The following CLN6 variants were observed in gnomAD, a reference collection of about 807,000 sequenced individuals.
CLN6 encodes the protein CLN6 transmembrane ER protein.
CLN6 carries 22 observed loss-of-function variants against 33.3 expected under a neutral mutation model. The observed-to-expected ratio is 0.66, with a 90% CI of 0.47 to 0.94. CLN6 has a LOEUF of 0.94. CLN6 is among the 40% of genes least tolerant of loss of function. CLN6 has a pLI of 0.00. For missense variants in CLN6, 387 were observed against 417.1 expected (o/e 0.93, Z 0.63); for synonymous variants, 201 against 174.6 (o/e 1.15, Z -1.19).
At chr15:68,245,243 T>C (rs757877961) in intron 1 of CLN6, among the ~76,000 whole-genome samples, 3 of 148,566 alleles carry the variant, frequency 2.0e-5, no homozygotes, top group African/African-American at 5.2e-5. Flanking sequence ...GTAACCATAA[T>C]GTTAAAACCT....
At chr15:68,226,080 G>A (rs1289753745) in intron 1 of CLN6, among the ~76,000 whole-genome samples, 2 of 152,054 alleles carry the variant, frequency 1.3e-5, no homozygotes, top group Admixed American at 1.3e-4. Context: ...AGCACTTTGG[G>A]AGGCTGAGGC....
At position 68,213,988 on chromosome 15, in the gene CLN6, C is replaced by G. The variant is rs960327602; in HGVS notation, c.297+302G>C. ...CCTCCCCAAATGTTTTACGGTTTCC[C>G]AAGCACAGCCTTGTCTTTAGGTCCT... On this transcript the variant is annotated intron_variant, in intron 3 of 6. Coordinates refer to ENST00000249806, the MANE Select transcript of CLN6 (RefSeq NM_017882.3). The G allele has an allele frequency of 2.0e-4, 73 of 356,224 alleles. 1 individual carries two copies. The highest frequency in any genetic ancestry group is 3.7e-4 in the Non-Finnish European group (68 of 183,232). The allele number at this position is 356,224 out of a possible 1,614,324, so 22.1% of individuals were successfully genotyped here. A position where few individuals can be genotyped will look rare whatever the true frequency, so the allele number is the denominator to read the frequency against.
In CLN6 at chr15:68,210,741, C is replaced by T. The variant is rs2093202572; in HGVS notation, c.542+522G>A. ...GGGACGGGGTAGGTAGGAAAAGGTG[C>T]CCCTCTGGGAGTTCTGAAGAGGGGG... On this transcript the variant is annotated intron_variant, in intron 5 of 6. Coordinates refer to ENST00000249806, the MANE Select transcript of CLN6 (RefSeq NM_017882.3). This position sits in a 1 kb window ranked among gnomAD's most constrained non-coding sequence, Gnocchi z 5.6. Among the ~76,000 whole-genome samples the T allele has an allele frequency of 6.6e-6, 1 of 152,152 alleles. No individual in the cohort carries two copies. The highest frequency in any genetic ancestry group is 1.5e-5 in the Non-Finnish European group (1 of 68,006).
In CLN6 at chr15:68,214,137, C is replaced by G. The variant is rs2292746; in HGVS notation, c.297+153G>C. On this transcript the variant is annotated intron_variant, in intron 3 of 6. Coordinates refer to ENST00000249806, the MANE Select transcript of CLN6 (RefSeq NM_017882.3). ...CCGGCAGCTCCGCCTTCCCCGGGCC[C>G]CAGGCCCTGGACATGCTGCTCTGTC... 3.6e-3 allele frequency: 2,403 copies of G among 659,736 alleles called. 138 individuals carry two copies. The East Asian group carries it at 0.067, about 18-fold the overall frequency. 40.9% of individuals were successfully genotyped at this position (659,736 alleles called of 1,614,324 possible). A position where few individuals can be genotyped will look rare whatever the true frequency, so the allele number is the denominator to read the frequency against.
chr15:68,211,119 A>T lies in CLN6; in HGVS notation c.542+144T>A, dbSNP rs1202037549. The T allele has an allele frequency of 6.4e-6, 5 of 782,692 alleles. No individual in the cohort carries two copies. The South Asian group carries it at 7.0e-5, about 11-fold the overall frequency. The allele number at this position is 782,692 out of a possible 1,614,324, so 48.5% of individuals were successfully genotyped here. A position where few individuals can be genotyped will look rare whatever the true frequency, so the allele number is the denominator to read the frequency against. On this transcript the variant is annotated intron_variant, in intron 5 of 6. Coordinates refer to ENST00000249806, the MANE Select transcript of CLN6 (RefSeq NM_017882.3). The surrounding 1 kb of genome is among the most constrained non-coding windows in gnomAD (Gnocchi z 5.9). The stretch of plus-strand genomic sequence containing the variant: ...TCGGGGACAACTTCACTGGAGGTTG[A>T]GCTCACAGTGCCTTTACAGGGGATG...
At chr15:68,216,103 C>T (rs1294665531) in intron 2 of CLN6, among the ~76,000 whole-genome samples, 1 of 152,186 alleles carries the variant, frequency 6.6e-6, no homozygotes, top group Non-Finnish European at 1.5e-5. Flanking sequence ...ACAGTGGTCA[C>T]AGCAGCTCTA....
chr15:68,210,548 C>T lies in CLN6; in HGVS notation c.542+715G>A, dbSNP rs1386907619. On this transcript the variant is annotated intron_variant, in intron 5 of 6. Coordinates refer to ENST00000249806, the MANE Select transcript of CLN6 (RefSeq NM_017882.3). This position sits in a 1 kb window ranked among gnomAD's most constrained non-coding sequence, Gnocchi z 5.6. ...TGTGAGCACCAACTCAGGAGTGAGC[C>T]GGGTCCAGGGCTGGCCCTCACCTCC... Among the ~76,000 whole-genome samples, 2 of 152,174 alleles carry T rather than the reference C, an allele frequency of 1.3e-5. No homozygotes were observed. The highest frequency in any genetic ancestry group is 4.8e-5 in the African/African-American group (2 of 41,458).
At chr15:68,229,359 C>A in intron 1 of CLN6, 143 bp downstream of exon 1, 1 of 549,006 alleles carries the variant, frequency 1.8e-6, no homozygotes. Context: ...TAGCGCGCCT[C>A]CAAGCCCCCC....
intron 2 of CLN6, among the ~76,000 whole-genome samples, chr15:68,217,892 CCTACCTACCTACCTACCTACCTACCTAT>C (rs1043045245): frequency 4.7e-4 from 22 of 46,630 alleles, no homozygotes; most frequent in Middle Eastern, 0.011. Flanking sequence ...TACCTACCTA[CCTACCTACCTACCTACCTACCTACCTAT>C]CTATCTTCCA....
chr15:68,233,418 G>T (rs1892186161), upstream of CLN6, among the ~76,000 whole-genome samples: 2 of 152,136 alleles, frequency 1.3e-5, no homozygotes, highest in Admixed American at 6.6e-5. The surrounding 1 kb of genome is among the most constrained non-coding windows in gnomAD (Gnocchi z 4.3). Context: ...TCCCTGGAAA[G>T]CCTTTGATCT....
At chr15:68,214,179 A>AG (rs1238524995) in intron 3 of CLN6, 111 bp downstream of exon 3, 2 of 839,542 alleles carry the variant, frequency 2.4e-6, no homozygotes, top group Non-Finnish European at 4.0e-6. Flanking sequence ...TTCACCCCCC[A>AG]GCAGCAGGCA....
At chr15:68,212,391 G>A (rs1338976893) in intron 3 of CLN6, 1 of 160,864 alleles carries the variant, frequency 6.2e-6, no homozygotes, top group African/African-American at 2.4e-5. Context: ...GAGATTTGAA[G>A]TATCTTTCTT....
At position 68,236,281 on chromosome 15, in the gene CLN6, A is replaced by T. The variant is rs1892219168; in HGVS notation, c.180-17631T>A. The stretch of plus-strand genomic sequence containing the variant: ...GTATAGGACCAAGAGCTCTGAAAAA[A>T]AAGTCCACAGAAAAACTTACAGATG... On this transcript the variant is annotated intron_variant, in intron 1 of 6. Coordinates refer to the CLN6 transcript ENST00000538696. This position sits in a 1 kb window ranked among gnomAD's most constrained non-coding sequence, Gnocchi z 4.5. 6.6e-6 allele frequency among the ~76,000 whole-genome samples: 1 copy of T among 152,260 alleles called. No individual in the cohort carries two copies. Among genetic ancestry groups the T allele is most frequent in the African/African-American group, 2.4e-5 (1 of 41,470 alleles).
At chr15:68,237,792 A>T (rs925772787) in intron 1 of CLN6, among the ~76,000 whole-genome samples, 10 of 152,230 alleles carry the variant, frequency 6.6e-5, no homozygotes, top group African/African-American at 2.4e-4. Flanking sequence ...CTAATAAAAG[A>T]CATGAGCCCA....
At position 68,224,290 on chromosome 15, in the gene CLN6, A is replaced by AG. The variant is rs10663943; in HGVS notation, c.83+5211dup. Among the ~76,000 whole-genome samples the AG allele has an allele frequency of 4.7e-5, 7 of 148,786 alleles. No individual in the cohort carries two copies. In the South Asian group the frequency reaches 1.3e-3, roughly 27 times the overall value. ...CAAAAAAAAAAAAAAAAAAAAAAAA[A>AG]GCAGGCACACAGAGTGGACACTCAG... On this transcript the variant is annotated intron_variant, in intron 1 of 6. Transcript: ENST00000249806.
intron 1 of CLN6, among the ~76,000 whole-genome samples, chr15:68,222,608 G>A (rs2093240961): frequency 6.6e-6 from 1 of 152,266 alleles, no homozygotes; most frequent in South Asian, 2.1e-4. Context: ...GGTCTGGGAG[G>A]TGTACCCAAC....
Position 68,211,993 on chromosome 15 carries a change from G to A in CLN6, c.298-130C>T, listed in dbSNP as rs1012356268. ...GGAATGTCACTCCAAAAAGTGGCTGGTCCCTTTAGCAGGCCAGCCCAGCCT... is the reference window on the plus strand; with the variant it reads ...GGAATGTCACTCCAAAAAGTGGCTGATCCCTTTAGCAGGCCAGCCCAGCCT... On this transcript the variant is annotated intron_variant, in intron 3 of 6. Coordinates refer to ENST00000249806, the MANE Select transcript of CLN6 (RefSeq NM_017882.3). This position sits in a 1 kb window ranked among gnomAD's most constrained non-coding sequence, Gnocchi z 5.9. 1.2e-5 allele frequency: 12 copies of A among 972,942 alleles called. No homozygotes were observed. The Admixed American group carries it at 2.6e-4, about 21-fold the overall frequency. 60.3% of individuals were successfully genotyped at this position (972,942 alleles called of 1,614,324 possible). A position where few individuals can be genotyped will look rare whatever the true frequency, so the allele number is the denominator to read the frequency against.
chr15:68,253,692 G>A (rs1268871058), intron 1 of CLN6, among the ~76,000 whole-genome samples: 1 of 152,212 alleles, frequency 6.6e-6, no homozygotes, highest in Non-Finnish European at 1.5e-5. Flanking sequence ...CAAATAGCTT[G>A]TTCACATGAT....
chr15:68,215,808 C>A (rs1249826830), intron 2 of CLN6, among the ~76,000 whole-genome samples: 2 of 152,030 alleles, frequency 1.3e-5, no homozygotes, highest in African/African-American at 4.8e-5. Flanking sequence ...AAAGCAAAAT[C>A]CCATTATGGT....
Sources: allele counts gnomAD v4.1 joint callset (sites outside exome capture counted in the v4.1 genomes callset), GRCh38; gene constraint gnomAD v4.1.1; non-coding constraint Gnocchi (gnomAD v3.1); transcripts MANE v1.5; gene names NCBI Gene and HGNC (gene_info 2026-07-23, HGNC 2026-07-21).